The following SLC35F4 variants were observed in gnomAD, a reference collection of about 807,000 sequenced individuals.
The protein encoded by SLC35F4 is solute carrier family 35 member F4, also known as chromosome 14 open reading frame 36.
SLC35F4 carries 24 observed loss-of-function variants against 44.2 expected under a neutral mutation model. That is an observed-to-expected ratio of 0.54 (90% CI 0.39 to 0.76). The LOEUF (loss-of-function observed/expected upper bound fraction) is 0.76. Ranked by LOEUF, SLC35F4 falls within the 30% of genes least tolerant of loss-of-function variation. The probability of loss-of-function intolerance (pLI) is 0.00; values close to 1 mark genes in which losing one functional copy is unlikely to be tolerated. For missense variants in SLC35F4, 562 were observed against 586.1 expected, an observed-to-expected ratio of 0.96 and a Z score of 0.42; for synonymous variants, 238 against 223.6, an observed-to-expected ratio of 1.06 and a Z score of -0.57.
At chr14:57,788,732 G>A (rs1262424549) in intron 1 of SLC35F4, among the ~76,000 whole-genome samples, 4 of 152,036 alleles carry the variant, frequency 2.6e-5, no homozygotes, top group African/African-American at 9.7e-5. Flanking sequence ...GCACCACATA[G>A]CATTTATTCT....
intron 1 of SLC35F4, among the ~76,000 whole-genome samples, chr14:57,943,394 T>C (rs1184199038): frequency 6.6e-6 from 1 of 152,228 alleles, no homozygotes; most frequent in Non-Finnish European, 1.5e-5. Context: ...CTAATTTCTA[T>C]TAAGTACATT....
chr14:57,845,517 T>C (rs767416793), intron 1 of SLC35F4, among the ~76,000 whole-genome samples: 2 of 152,250 alleles, frequency 1.3e-5, no homozygotes, highest in Non-Finnish European at 2.9e-5. Flanking sequence ...AACATTACTC[T>C]GCAAACAATT....
intron 1 of SLC35F4, among the ~76,000 whole-genome samples, chr14:57,658,554 A>T (rs951072301): frequency 6.6e-6 from 1 of 152,188 alleles, no homozygotes; most frequent in African/African-American, 2.4e-5. Context: ...AGGAGCTATT[A>T]ATCTGTCAGG....
chr14:57,942,598 A>T (rs1273557217), intron 1 of SLC35F4, among the ~76,000 whole-genome samples: 2 of 152,214 alleles, frequency 1.3e-5, no homozygotes, highest in Non-Finnish European at 2.9e-5. Context: ...CGGAATTTCA[A>T]TACAAGTTTA....
chr14:57,725,490 T>C (rs945780586), intron 1 of SLC35F4, among the ~76,000 whole-genome samples: 2 of 152,212 alleles, frequency 1.3e-5, no homozygotes, highest in African/African-American at 4.8e-5. Context: ...CTGCATGCAA[T>C]GCTTCTGCCA....
rs369259183 is a variant in SLC35F4 at position 57,844,825 on chromosome 14, C to G, written c.103+20898G>C. Among the ~76,000 whole-genome samples the G allele has an allele frequency of 1.5e-3, 221 of 152,244 alleles. 1 individual carries two copies. The highest frequency in any genetic ancestry group is 5.2e-3 in the African/African-American group (218 of 41,540). On this transcript the variant is annotated intron_variant, in intron 1 of 7. Coordinates refer to ENST00000556826, the MANE Select transcript of SLC35F4 (RefSeq NM_001306087.2). Reference sequence around the variant, plus strand: ...GTCCTGACTCTTCACTGCCCTCCGCCCTCTGTCCATAGAAAACTGTAAGAT... The same window carrying G: ...GTCCTGACTCTTCACTGCCCTCCGCGCTCTGTCCATAGAAAACTGTAAGAT...
intron 1 of SLC35F4, among the ~76,000 whole-genome samples, chr14:57,914,167 T>C (rs1477445002): frequency 2.6e-5 from 4 of 152,178 alleles, no homozygotes; most frequent in Admixed American, 6.5e-5. Flanking sequence ...CTGGGAAGTA[T>C]AGCACCATCA....
intron 1 of SLC35F4, among the ~76,000 whole-genome samples, chr14:57,929,139 G>A (rs2141064505): frequency 6.6e-6 from 1 of 152,268 alleles, no homozygotes; most frequent in African/African-American, 2.4e-5. Flanking sequence ...AAAGAGATAT[G>A]GTAATCAGAG....
At chr14:57,614,133 C>T (rs1270619191) in intron 1 of SLC35F4, among the ~76,000 whole-genome samples, 5 of 152,146 alleles carry the variant, frequency 3.3e-5, no homozygotes, top group Admixed American at 1.3e-4. Flanking sequence ...TTGGTGCTAA[C>T]ATCCCATTAT....
chr14:57,622,316 G>T (rs1209958455), intron 1 of SLC35F4, among the ~76,000 whole-genome samples: 1 of 142,056 alleles, frequency 7.0e-6, no homozygotes, highest in Non-Finnish European at 1.5e-5. Context: ...TCCCATTACT[G>T]GGTATATACC....
rs146251025 is a variant in SLC35F4, at chr14:57,911,727, A to G, written n.282+70186T>C. Among the ~76,000 whole-genome samples the G allele has an allele frequency of 4.1e-4, 63 of 152,152 alleles. No individual in the cohort carries two copies. In the East Asian group the frequency reaches 0.011, roughly 27 times the overall value. On this transcript the variant is annotated intron_variant and non_coding_transcript_variant, in intron 1 of 1. Transcript: ENST00000556568. The stretch of plus-strand genomic sequence containing the variant: ...GAATTTTTGCATCTATGTTTATGAA[A>G]GATACATATAGTTTTCTTATAATGT...
intron 1 of SLC35F4, among the ~76,000 whole-genome samples, chr14:57,877,447 T>C (rs1239946978): frequency 1.3e-5 from 2 of 152,198 alleles, no homozygotes; most frequent in Non-Finnish European, 2.9e-5. Context: ...TTGTGAATAT[T>C]GTTGCAATGA....
At chr14:57,713,258 T>C (rs2075856328) in intron 1 of SLC35F4, among the ~76,000 whole-genome samples, 1 of 152,214 alleles carries the variant, frequency 6.6e-6, no homozygotes, top group Admixed American at 6.5e-5. Context: ...CTACACAGTA[T>C]GACAGCATGA....
At chr14:57,858,260 G>C (rs1566909735) in intron 1 of SLC35F4, among the ~76,000 whole-genome samples, 1 of 152,030 alleles carries the variant, frequency 6.6e-6, no homozygotes, top group Non-Finnish European at 1.5e-5. Context: ...ATTCACAATA[G>C]CAAAGACTCG....
At chr14:57,574,106 A>T (rs985925386) in intron 4 of SLC35F4, among the ~76,000 whole-genome samples, 7 of 152,216 alleles carry the variant, frequency 4.6e-5, no homozygotes, top group Admixed American at 3.3e-4. Context: ...CTGTCTAGAA[A>T]AGGACAGGCA....
At chr14:57,752,878 G>A (rs976897920) in intron 1 of SLC35F4, among the ~76,000 whole-genome samples, 1 of 152,194 alleles carries the variant, frequency 6.6e-6, no homozygotes, top group Middle Eastern at 3.2e-3. Context: ...TGAACCTGCT[G>A]TTGCTACAGC....
upstream of SLC35F4, among the ~76,000 whole-genome samples, chr14:57,982,903 C>T (rs1881425086): frequency 6.6e-6 from 1 of 152,182 alleles, no homozygotes; most frequent in Admixed American, 6.5e-5. Context: ...ATTCAATCAG[C>T]TCCTCTCTCT....
intron 1 of SLC35F4, among the ~76,000 whole-genome samples, chr14:57,809,386 T>C (rs754331637): frequency 6.6e-6 from 1 of 152,160 alleles, no homozygotes; most frequent in Non-Finnish European, 1.5e-5. Context: ...AAGTGATTCA[T>C]GGCATTTGCA....
At chr14:57,665,906 C>T (rs2074291542) in intron 1 of SLC35F4, among the ~76,000 whole-genome samples, 1 of 152,174 alleles carries the variant, frequency 6.6e-6, no homozygotes, top group Admixed American at 6.5e-5. Context: ...CATGTTCTCA[C>T]TTAGAAGTGG....
Sources: gnomAD v4.1 joint callset for allele counts (sites outside exome capture counted in the v4.1 genomes callset) on GRCh38, gnomAD v4.1.1 for gene constraint, MANE v1.5 for transcripts, NCBI Gene and HGNC (gene_info 2026-07-23, HGNC 2026-07-21) for gene names.